The following PLCG2 variants were observed in gnomAD, a reference collection of about 807,000 sequenced individuals.
The protein encoded by PLCG2 is phospholipase C gamma 2.
A neutral mutation model predicts 175.6 loss-of-function variants in PLCG2; 69 were observed. The observed-to-expected ratio is 0.39, with a 90% CI of 0.32 to 0.48. The LOEUF is 0.48. Ranked by LOEUF, PLCG2 falls within the 20% of genes least tolerant of loss-of-function variation. The pLI is 0.91. For missense variants in PLCG2, 1,798 were observed against 1,650.9 expected (o/e 1.09, Z -1.54); for synonymous variants, 827 against 624.0 (o/e 1.33, Z -4.85).
intron 2 of PLCG2, among the ~76,000 whole-genome samples, chr16:81,801,119 A>C (rs962797686): frequency 7.9e-5 from 12 of 152,198 alleles, no homozygotes; most frequent in Non-Finnish European, 1.6e-4. Context: ...AAGATAATCA[A>C]TTTGAGTAAA....
intron 2 of PLCG2, among the ~76,000 whole-genome samples, chr16:81,838,750 A>G (rs924720092): frequency 7.4e-5 from 11 of 149,172 alleles, no homozygotes; most frequent in Admixed American, 3.4e-4. Context: ...CGTTCCGCAC[A>G]TGTATCCCAG....
intron 1 of PLCG2, among the ~76,000 whole-genome samples, chr16:81,750,082 T>C (rs1489645849): frequency 6.6e-6 from 1 of 152,184 alleles, no homozygotes; most frequent in East Asian, 1.9e-4. Context: ...GAGGTATCTA[T>C]GTTTTAGCAA....
intron 2 of PLCG2, among the ~76,000 whole-genome samples, chr16:81,765,847 C>T (rs1163552745): frequency 1.3e-5 from 2 of 152,154 alleles, no homozygotes; most frequent in Non-Finnish European, 2.9e-5. Flanking sequence ...GTAGGAATGT[C>T]CCCTGTGGAC....
At chr16:81,784,008 C>G (rs1910860199) in intron 1 of PLCG2, among the ~76,000 whole-genome samples, 1 of 152,126 alleles carries the variant, frequency 6.6e-6, no homozygotes, top group Non-Finnish European at 1.5e-5. Context: ...AGGATTCCTT[C>G]TTGCTGCTCT....
intron 30 of PLCG2, among the ~76,000 whole-genome samples, chr16:81,941,652 C>G (rs1910945300): frequency 6.6e-6 from 1 of 151,270 alleles, no homozygotes; most frequent in Admixed American, 6.6e-5. Context: ...TGTAAGAGGC[C>G]TGATATTTGG....
upstream of PLCG2, among the ~76,000 whole-genome samples, chr16:81,778,043 C>CA (rs1243068088): frequency 0.015 from 906 of 59,808 alleles, 35 homozygotes; most frequent in African/African-American, 0.047. Context: ...AAAAAAAAAA[C>CA]AAAAAAAAAA....
chr16:81,877,396 A>G (rs1437551443), intron 7 of PLCG2, among the ~76,000 whole-genome samples: 1 of 152,202 alleles, frequency 6.6e-6, no homozygotes, highest in Non-Finnish European at 1.5e-5. Context: ...CGGAACTTAC[A>G]GTGAGCCGAG....
intron 3 of PLCG2, among the ~76,000 whole-genome samples, chr16:81,856,735 G>A (rs868485233): frequency 6.6e-6 from 1 of 152,160 alleles, no homozygotes; most frequent in Non-Finnish European, 1.5e-5. Context: ...TCCTAATCCC[G>A]GGAACTTGTG....
intron 12 of PLCG2, 56 bp downstream of exon 12, chr16:81,893,850 G>A (rs1567520224): frequency 3.7e-6 from 4 of 1,082,866 alleles, no homozygotes; most frequent in Non-Finnish European, 5.7e-6. Flanking sequence ...GGATAACCAT[G>A]TGGTTGCTCC....
intron 2 of PLCG2, among the ~76,000 whole-genome samples, chr16:81,756,266 C>G (rs1909925302): frequency 6.6e-6 from 1 of 152,240 alleles, no homozygotes; most frequent in African/African-American, 2.4e-5. Flanking sequence ...TACCGCCTTT[C>G]AGATAGGGCT....
intron 2 of PLCG2, among the ~76,000 whole-genome samples, chr16:81,851,545 C>G (rs1000946543): frequency 6.6e-6 from 1 of 152,148 alleles, no homozygotes; most frequent in Non-Finnish European, 1.5e-5. Context: ...CGAAGTCTCA[C>G]TCTGTCACCC....
chr16:81,769,111 G>T (rs1910216840), intron 2 of PLCG2, among the ~76,000 whole-genome samples: 2 of 152,192 alleles, frequency 1.3e-5, no homozygotes, highest in African/African-American at 4.8e-5. Flanking sequence ...TATTGAAACA[G>T]TGCTTAAGGT....
chr16:81,859,061 T>C, intron 4 of PLCG2, 55 bp from the exon 5 acceptor site: 2 of 1,078,868 alleles, frequency 1.9e-6, no homozygotes, highest in Middle Eastern at 2.1e-4. Context: ...CTTAGACTTG[T>C]GCTATTTTCT....
At chr16:81,800,932 C>T (rs565181536) in intron 2 of PLCG2, among the ~76,000 whole-genome samples, 1 of 152,162 alleles carries the variant, frequency 6.6e-6, no homozygotes, top group South Asian at 2.1e-4. Flanking sequence ...AAGATGGCAC[C>T]AGCTGGCTCT....
chr16:81,799,904 A>G lies in PLCG2; in HGVS notation c.193+13722A>G, dbSNP rs149004357. Among the ~76,000 whole-genome samples the G allele has an allele frequency of 7.1e-3, 1,085 of 152,266 alleles. 5 individuals are homozygous for G. Among genetic ancestry groups the G allele is most frequent in the South Asian group, 0.026 (127 of 4,834 alleles). ...CACTGAGCCCAGCCTGTTATTAACT[A>G]TTTTAAATGTCGATGTTGGTTTAAA... On this transcript the variant is annotated intron_variant, in intron 2 of 32. Transcript: ENST00000564138.
chr16:81,896,358 C>G (rs1908886249), intron 13 of PLCG2, among the ~76,000 whole-genome samples: 1 of 145,290 alleles, frequency 6.9e-6, no homozygotes, highest in Admixed American at 7.0e-5. Flanking sequence ...AACCCCTTCT[C>G]TACCAAAACA....
chr16:81,768,552 G>GTT (rs769292122), intron 2 of PLCG2, among the ~76,000 whole-genome samples: 2,730 of 105,166 alleles, frequency 0.026, 451 homozygotes, highest in African/African-American at 0.042. Context: ...GTTATCCTCA[G>GTT]TTTTTTTTTT....
intron 2 of PLCG2, among the ~76,000 whole-genome samples, chr16:81,795,530 C>G (rs957208921): frequency 5.3e-5 from 8 of 152,194 alleles, no homozygotes; most frequent in African/African-American, 1.9e-4. Context: ...ACTCTGCTGT[C>G]TGATCACAAT....
At chr16:81,930,314 C>G (rs1311476413) in intron 24 of PLCG2, among the ~76,000 whole-genome samples, 1 of 152,156 alleles carries the variant, frequency 6.6e-6, no homozygotes, top group African/African-American at 2.4e-5. Context: ...CTGTAAGATC[C>G]TTTCTCTGTG....
Sources: allele counts gnomAD v4.1 joint callset (sites outside exome capture counted in the v4.1 genomes callset), GRCh38; gene constraint gnomAD v4.1.1; transcripts MANE v1.5; gene names NCBI Gene and HGNC (gene_info 2026-07-23, HGNC 2026-07-21).